The following CCSER1 variants were observed in gnomAD, a reference collection of about 807,000 sequenced individuals.
CCSER1 encodes the protein coiled-coil serine rich protein 1.
A neutral mutation model predicts 82.0 loss-of-function variants in CCSER1; 41 were observed. The observed-to-expected ratio is 0.50, with a 90% CI of 0.39 to 0.65. The LOEUF (loss-of-function observed/expected upper bound fraction) is 0.65, where lower values mean the gene tolerates loss of function less well. Ranked by LOEUF, CCSER1 falls within the 30% of genes least tolerant of loss-of-function variation. The pLI is 0.00. For missense variants in CCSER1, 1,119 were observed against 1,064.2 expected (o/e 1.05, Z -0.72); for synonymous variants, 414 against 383.9 (o/e 1.08, Z -0.92).
At chr4:90,417,501 G>A (rs1046485828) in intron 4 of CCSER1, among the ~76,000 whole-genome samples, 16 of 151,934 alleles carry the variant, frequency 1.1e-4, no homozygotes, top group Admixed American at 2.6e-4. Context: ...CTTATTTAAT[G>A]TTTTTGGATA....
intron 10 of CCSER1, among the ~76,000 whole-genome samples, chr4:91,465,558 C>G (rs1446787423): frequency 2.0e-5 from 3 of 152,074 alleles, no homozygotes; most frequent in African/African-American, 4.8e-5. Flanking sequence ...ATCAGTGAAT[C>G]CAGGAGCTGG....
chr4:90,162,485 A>G (rs1277436468), intron 1 of CCSER1, among the ~76,000 whole-genome samples: 1 of 152,156 alleles, frequency 6.6e-6, no homozygotes, highest in Non-Finnish European at 1.5e-5. Context: ...CACTGTATGT[A>G]AAAGTTAACG....
At chr4:91,356,824 G>C (rs1044170532) in intron 10 of CCSER1, among the ~76,000 whole-genome samples, 1 of 152,178 alleles carries the variant, frequency 6.6e-6, no homozygotes, top group South Asian at 2.1e-4. Context: ...GGCCCTCGGG[G>C]ATGACCTGCA....
intron 1 of CCSER1, among the ~76,000 whole-genome samples, chr4:90,306,738 T>G (rs1734351175): frequency 6.6e-6 from 1 of 152,230 alleles, no homozygotes; most frequent in Non-Finnish European, 1.5e-5. Flanking sequence ...TGTTAATTTT[T>G]AGTCACGTAG....
chr4:91,167,578 C>T (rs189971170), intron 10 of CCSER1, among the ~76,000 whole-genome samples: 122 of 152,246 alleles, frequency 8.0e-4, no homozygotes, highest in African/African-American at 2.5e-3. Context: ...TATGTAAATC[C>T]GTAAATTGAA....
At chr4:90,975,901 C>T (rs1735569585) in intron 9 of CCSER1, among the ~76,000 whole-genome samples, 1 of 150,860 alleles carries the variant, frequency 6.6e-6, no homozygotes, top group Admixed American at 6.6e-5. Context: ...TTATTATATT[C>T]CCAAAGCTCT....
At chr4:91,059,653 G>A (rs993156875) in intron 9 of CCSER1, among the ~76,000 whole-genome samples, 8 of 151,558 alleles carry the variant, frequency 5.3e-5, no homozygotes, top group African/African-American at 1.5e-4. Flanking sequence ...ACACCCTAGC[G>A]ATCTGTAATT....
At chr4:91,447,339 C>G (rs947681807) in intron 10 of CCSER1, among the ~76,000 whole-genome samples, 2 of 151,860 alleles carry the variant, frequency 1.3e-5, no homozygotes, top group Non-Finnish European at 2.9e-5. Context: ...TGTTCCTTGT[C>G]CTGTCACCCT....
chr4:90,258,437 G>T (rs534414600), intron 1 of CCSER1, among the ~76,000 whole-genome samples: 8 of 152,084 alleles, frequency 5.3e-5, no homozygotes, highest in Admixed American at 1.3e-4. Flanking sequence ...ACTTGAACCT[G>T]GGAGGCAGAG....
At chr4:90,238,622 C>T (rs1214803499) in intron 1 of CCSER1, among the ~76,000 whole-genome samples, 5 of 152,004 alleles carry the variant, frequency 3.3e-5, no homozygotes, top group Non-Finnish European at 7.4e-5. Context: ...TTTTTTCTGC[C>T]GTGGGTACCT....
intron 9 of CCSER1, among the ~76,000 whole-genome samples, chr4:91,078,839 A>G (rs1722340702): frequency 1.3e-5 from 2 of 152,254 alleles, no homozygotes; most frequent in Non-Finnish European, 2.9e-5. Context: ...CAGTGATTGA[A>G]GATCAAATGA....
At chr4:91,421,663 T>G (rs1030584773) in intron 10 of CCSER1, among the ~76,000 whole-genome samples, 3 of 152,124 alleles carry the variant, frequency 2.0e-5, no homozygotes, top group Non-Finnish European at 4.4e-5. Flanking sequence ...AAATAAACGA[T>G]GACAGGTAGT....
At chr4:91,186,838 A>C (rs1734588326) in intron 10 of CCSER1, among the ~76,000 whole-genome samples, 1 of 152,350 alleles carries the variant, frequency 6.6e-6, no homozygotes, top group Middle Eastern at 3.4e-3. Flanking sequence ...TTTGTGGCTT[A>C]AGAATGCCTT....
At chr4:91,554,367 T>C (rs1250093860) in intron 10 of CCSER1, among the ~76,000 whole-genome samples, 1 of 151,256 alleles carries the variant, frequency 6.6e-6, no homozygotes, top group African/African-American at 2.4e-5. Context: ...TGCTGTTGTA[T>C]GGAATGTTCT....
At chr4:91,522,591 A>C (rs11097319) in intron 10 of CCSER1, among the ~76,000 whole-genome samples, 97,861 of 152,000 alleles carry the variant, frequency 0.64, 31,696 homozygotes, top group East Asian at 0.73. Flanking sequence ...TCCTTCACAT[A>C]CCTTGTAAGT....
chr4:90,551,706 C>CTCTATATATATATATATATA, intron 5 of CCSER1, among the ~76,000 whole-genome samples: 15 of 104,236 alleles, frequency 1.4e-4, no homozygotes, highest in African/African-American at 4.1e-4. Flanking sequence ...CTCTCTCTCT[C>CTCTATATATATATATATATA]TATATATATA....
chr4:91,175,968 TA>T (rs1267820696), intron 10 of CCSER1, among the ~76,000 whole-genome samples: 1 of 152,212 alleles, frequency 6.6e-6, no homozygotes, highest in Non-Finnish European at 1.5e-5. Context: ...GTCTAACATT[TA>T]ATCTTTAATC....
At chr4:90,674,078 C>T (rs754316893) in intron 6 of CCSER1, among the ~76,000 whole-genome samples, 1 of 151,760 alleles carries the variant, frequency 6.6e-6, no homozygotes, top group Non-Finnish European at 1.5e-5. Flanking sequence ...ATTCCTAGGT[C>T]ATAAGACTGA....
Position 91,447,937 on chromosome 4 carries a change from T to A in CCSER1, c.2218-150635T>A, listed in dbSNP as rs541013121. On this transcript the variant is annotated intron_variant, in intron 10 of 10. Transcript: ENST00000509176. The stretch of plus-strand genomic sequence containing the variant: ...GTGGTCCATAAAAAGTGGTGCTTAT[T>A]AAGTGTATATTATGTTTTATTTGCA... Among the ~76,000 whole-genome samples, 4 of 152,222 alleles carry A rather than the reference T, an allele frequency of 2.6e-5. No homozygotes were observed. In the South Asian group the frequency reaches 6.2e-4, roughly 24 times the overall value.
Sources: allele counts gnomAD v4.1 joint callset (sites outside exome capture counted in the v4.1 genomes callset), GRCh38; gene constraint gnomAD v4.1.1; transcripts MANE v1.5; gene names NCBI Gene and HGNC (gene_info 2026-07-23, HGNC 2026-07-21).